The following MSLN variants were observed in gnomAD, a reference collection of about 807,000 sequenced individuals.
MSLN encodes the protein mesothelin.
A neutral mutation model predicts 72.6 loss-of-function variants in MSLN; 82 were observed. That is an observed-to-expected ratio of 1.13 (90% CI 0.94 to 1.36). The LOEUF is 1.36. Among genes scored for constraint, MSLN ranks in the 40% most tolerant of loss-of-function variants. MSLN has a pLI of 0.00. For missense variants in MSLN, 1,005 were observed against 847.9 expected, an observed-to-expected ratio of 1.19 and a Z score of -2.30; for synonymous variants, 456 against 387.3, an observed-to-expected ratio of 1.18 and a Z score of -2.08.
In MSLN at chr16:765,682, C is replaced by G; in HGVS notation, c.796-9C>G. Reference sequence around the variant, plus strand: ...CCCGAGGCTCAGCCCAGGTCCTGCTCGTCCTCAGGGCATCGTGGCCGCGTG... The same window carrying G: ...CCCGAGGCTCAGCCCAGGTCCTGCTGGTCCTCAGGGCATCGTGGCCGCGTG... On this transcript the variant is annotated splice_polypyrimidine_tract_variant and intron_variant, in intron 10 of 17. Transcript: ENST00000545450. The G allele has an allele frequency of 6.2e-7, 1 of 1,600,434 alleles. No homozygotes were observed. Among genetic ancestry groups the G allele is most frequent in the South Asian group, 1.1e-5 (1 of 91,000 alleles).
At chr16:763,964 C>T in intron 5 of MSLN, 59 bp from the exon 6 acceptor site, 2 of 1,584,710 alleles carry the variant, frequency 1.3e-6, no homozygotes, top group South Asian at 2.2e-5. Flanking sequence ...TTGGGGAGCA[C>T]TGGGTGGACA....
At chr16:761,327 C>T (rs1209782142) in intron 2 of MSLN, among the ~76,000 whole-genome samples, 153 bp downstream of exon 2, 1 of 152,242 alleles carries the variant, frequency 6.6e-6, no homozygotes, top group Non-Finnish European at 1.5e-5. Flanking sequence ...AGGGCACACG[C>T]AGACCCATTT....
chr16:766,070 C>T lies in MSLN; in HGVS notation c.907C>T (p.Pro303Ser), dbSNP rs1596693657. The T allele has an allele frequency of 5.0e-6, 8 of 1,610,286 alleles. No homozygotes were observed. The highest frequency in any genetic ancestry group is 5.9e-6 in the Non-Finnish European group (7 of 1,178,444). Residue 303 changes from proline (P) to serine (S), a missense_variant, in exon 12 of 18, where the codon CCT becomes TCT. By Grantham distance (74) the Pro-to-Ser change is moderately conservative (BLOSUM62 -1). Coordinates refer to ENST00000545450, the MANE Select transcript of MSLN (RefSeq NM_005823.6). ...CCTGTGCCCTGCAGAGACAGCCTGT[C>T]CTTCAGGCAAGAAGGCCCGCGAGAT... ...FRREVEKTACPSGKKAREIDE... is the reference protein window; with the variant it reads ...FRREVEKTACSSGKKAREIDE...
chr16:762,918 G>A (rs1000192562), intron 3 of MSLN, among the ~76,000 whole-genome samples, 153 bp downstream of exon 3: 3 of 152,210 alleles, frequency 2.0e-5, no homozygotes, highest in African/African-American at 7.2e-5. Flanking sequence ...GAGGTGACTG[G>A]AGCTGGAGAT....
Position 768,633 on chromosome 16 carries a change from C to T in MSLN, c.1784-15C>T, listed in dbSNP as rs2041675761. The T allele has an allele frequency of 1.2e-6, 2 of 1,611,220 alleles. No individual in the cohort carries two copies. The highest frequency in any genetic ancestry group is 1.7e-6 in the Non-Finnish European group (2 of 1,179,354). On this transcript the variant is annotated splice_polypyrimidine_tract_variant and intron_variant, in intron 17 of 17. Coordinates refer to ENST00000545450, the MANE Select transcript of MSLN (RefSeq NM_005823.6). The stretch of plus-strand genomic sequence containing the variant: ...GCGTGGAGGTGGGCGCTCTGAGTCA[C>T]CCCTCTCTCTGTAGAGGCCCTCTCG...
At position 768,696 on chromosome 16, in the gene MSLN, C is replaced by T; in HGVS notation, c.1832C>T (p.Thr611Ile). 6.2e-7 allele frequency: 1 copy of T among 1,611,116 alleles called. No individual in the cohort carries two copies. The highest frequency in any genetic ancestry group is 8.5e-7 in the Non-Finnish European group (1 of 1,179,556). The change falls in exon 18 of 18, where the codon ACC becomes ATC. Residue 611 changes from threonine to isoleucine, a missense_variant. By Grantham distance (89) the Thr-to-Ile change is moderately conservative. Transcript: ENST00000545450. ...CTCCTAGGACCTGGACCTGTTCTCA[C>T]CGTCCTGGCACTGCTCCTAGCCTCC... Reference protein sequence around the residue: ...PCLLGPGPVLTVLALLLASTL... With the variant: ...PCLLGPGPVLIVLALLLASTL...
chr16:762,376 C>G (rs1233960536), intron 2 of MSLN: 7 of 426,780 alleles, frequency 1.6e-5, no homozygotes, highest in Non-Finnish European at 1.7e-5. Flanking sequence ...TTGATCTAAG[C>G]TCTGCTCACA....
intron 7 of MSLN, 36 bp from the exon 8 acceptor site, chr16:764,871 T>A: frequency 6.2e-7 from 1 of 1,605,962 alleles, no homozygotes; most frequent in South Asian, 1.1e-5. Flanking sequence ...ACGGGTGTGA[T>A]CAGTGCGGCC....
At chr16:762,801 C>G in intron 3 of MSLN, 36 bp downstream of exon 3, 1 of 1,516,786 alleles carries the variant, frequency 6.6e-7, no homozygotes, top group Middle Eastern at 1.8e-4. Flanking sequence ...GAGGTGGGGA[C>G]GGCCCAGGGG....
intron 11 of MSLN, 85 bp from the exon 12 acceptor site, chr16:765,974 C>T: frequency 1.4e-6 from 2 of 1,440,836 alleles, no homozygotes; most frequent in East Asian, 2.5e-5. Flanking sequence ...CACAAATGGC[C>T]CGAGGTCTCA....
intron 16 of MSLN, among the ~76,000 whole-genome samples, 195 bp from the exon 17 acceptor site, chr16:768,184 C>T (rs1406318573): frequency 6.6e-6 from 1 of 151,114 alleles, no homozygotes; most frequent in Non-Finnish European, 1.5e-5. Context: ...GGAAGGGCAG[C>T]ATCTTCCCGT....
chr16:761,614 C>T (rs2151612813), intron 2 of MSLN, among the ~76,000 whole-genome samples: 2 of 140,300 alleles, frequency 1.4e-5, no homozygotes, highest in Admixed American at 1.4e-4. Flanking sequence ...CCACTCACTG[C>T]CCATTTTCTG....
rs1366409798 is a variant in MSLN at position 766,386 on chromosome 16, T to G, written c.1126T>G (p.Phe376Val). 6.2e-7 allele frequency: 1 copy of G among 1,612,684 alleles called. No individual in the cohort carries two copies. The highest frequency in any genetic ancestry group is 2.2e-5 in the East Asian group (1 of 44,880). ...ESVIQHLGYL[F>V]LKMSPEDIRK... is the part of the protein sequence containing the mutation. ...TGTGATCCAGCACCTGGGCTACCTCTTCCTCAAGATGAGCCCTGAGGACAT... is the reference window on the plus strand; with the variant it reads ...TGTGATCCAGCACCTGGGCTACCTCGTCCTCAAGATGAGCCCTGAGGACAT... Residue 376 changes from phenylalanine to valine, a missense_variant, in exon 13 of 18, where the codon TTC (phenylalanine) becomes GTC (valine). Phe to Val is a conservative substitution (Grantham distance 50). Transcript: ENST00000545450.
chr16:763,170 CT>C lies in MSLN; in HGVS notation c.86-62del, dbSNP rs547437315. On this transcript the variant is annotated intron_variant, in intron 3 of 17. Transcript: ENST00000545450. ...GGCCAGGCTCTGCCTCCTTCCTCCC[CT>C]GGGTCAGGGCACAGCCCAGAGGCCC... The C allele has an allele frequency of 1.6e-5, 18 of 1,151,032 alleles. No homozygotes were observed. The African/African-American group carries it at 2.7e-4, about 17-fold the overall frequency. The allele number at this position is 1,151,032 out of a possible 1,614,324, so 71.3% of individuals were successfully genotyped here.
At position 766,475 on chromosome 16, in the gene MSLN, C is replaced by T. The variant is rs544290639; in HGVS notation, c.1215C>T (p.His405=). The T allele has an allele frequency of 3.0e-5, 48 of 1,612,554 alleles. No individual in the cohort carries two copies. Among genetic ancestry groups the T allele is most frequent in the Middle Eastern group, 1.7e-4 (1 of 6,060 alleles). Residue 405 remains histidine (H), a synonymous_variant, in exon 13 of 18, where the codon CAC becomes CAT. Coordinates refer to ENST00000545450, the MANE Select transcript of MSLN (RefSeq NM_005823.6). ...CTTTGCTTGAAGTCAACAAAGGGCA[C>T]GAAATGAGTCCTCAGGTGACCGTCC... is the stretch of plus-strand genomic sequence containing the variant. ...LKALLEVNKG[H]EMSPQVATLI...
chr16:766,415 C>G lies in MSLN; in HGVS notation c.1155C>G (p.Arg385=). 6.2e-7 allele frequency: 1 copy of G among 1,612,686 alleles called. No homozygotes were observed. The highest frequency in any genetic ancestry group is 8.5e-7 in the Non-Finnish European group (1 of 1,179,918). The change falls in exon 13 of 18, where the codon CGC becomes CGG. Residue 385 remains arginine (R), a synonymous_variant. Coordinates refer to ENST00000545450, the MANE Select transcript of MSLN (RefSeq NM_005823.6). ...LFLKMSPEDI[R]KWNVTSLETL... ...TCAAGATGAGCCCTGAGGACATTCG[C>G]AAGTGGAATGTGACGTCCCTGGAGA... is the stretch of plus-strand genomic sequence containing the variant.
intron 2 of MSLN, among the ~76,000 whole-genome samples, chr16:762,292 G>A (rs545341969): frequency 3.4e-3 from 523 of 152,330 alleles, no homozygotes; most frequent in Non-Finnish European, 5.1e-3. Context: ...ACATCCAGGC[G>A]ACGGGGCTGC....
chr16:764,565 TG>T, intron 6 of MSLN, 81 bp from the exon 7 acceptor site: 1 of 1,149,690 alleles, frequency 8.7e-7, no homozygotes, highest in Non-Finnish European at 1.3e-6. Flanking sequence ...TGTGTTGTGG[TG>T]GGCAGACTGG....
chr16:765,457 A>T (rs962753256), intron 9 of MSLN, 70 bp from the exon 10 acceptor site: 1 of 1,475,158 alleles, frequency 6.8e-7, no homozygotes, highest in African/African-American at 1.4e-5. Context: ...GCCAGGGGGT[A>T]CGGCCTGGCC....
Sources: allele counts gnomAD v4.1 joint callset (sites outside exome capture counted in the v4.1 genomes callset), GRCh38; gene constraint gnomAD v4.1.1; transcripts MANE v1.5; gene names NCBI Gene and HGNC (gene_info 2026-07-23, HGNC 2026-07-21).